The following CWH43 variants were observed in gnomAD, a reference collection of about 807,000 sequenced individuals.
CWH43 encodes the protein PGAP2-interacting protein.
CWH43 carries 91 observed loss-of-function variants against 85.7 expected under a neutral mutation model. The ratio of observed to expected loss-of-function variants is 1.06; its 90% CI spans 0.90 to 1.26. CWH43 has a LOEUF of 1.26. CWH43 is among the 50% of genes most tolerant of loss of function. The pLI, the probability that CWH43 is intolerant of heterozygous loss-of-function variation, is 0.00. For missense variants in CWH43, 869 were observed against 839.2 expected (o/e 1.04, Z -0.44); for synonymous variants, 323 against 293.6 (o/e 1.10, Z -1.02).
intron 13 of CWH43, among the ~76,000 whole-genome samples, chr4:49,039,369 GTA>G (rs1446577076): frequency 5.5e-5 from 2 of 36,040 alleles, no homozygotes; most frequent in Admixed American, 4.7e-4. Context: ...ATATACTGAT[GTA>G]TATATATACT....
At position 49,040,223 on chromosome 4, in the gene CWH43, A is replaced by T. The variant is rs367732015; in HGVS notation, c.1803+2043A>T. Among the ~76,000 whole-genome samples, 11 of 152,198 alleles carry T rather than the reference A, an allele frequency of 7.2e-5. 1 individual carries two copies. In the South Asian group the frequency reaches 1.7e-3, roughly 23 times the overall value. On this transcript the variant is annotated intron_variant, in intron 13 of 15. Coordinates refer to ENST00000226432, the MANE Select transcript of CWH43 (RefSeq NM_025087.3). ...ATAAACATACGTGTGCATGTGTCTT[A>T]ATAGCAGCATGATTTATAATCCTTT...
chr4:49,025,691 C>T (rs1266406550), intron 9 of CWH43, among the ~76,000 whole-genome samples: 1 of 152,182 alleles, frequency 6.6e-6, no homozygotes, highest in Non-Finnish European at 1.5e-5. Flanking sequence ...GCAAAAAATC[C>T]TATGATGTGA....
chr4:49,011,858 G>C (rs1335788385), intron 8 of CWH43, among the ~76,000 whole-genome samples: 1 of 152,134 alleles, frequency 6.6e-6, no homozygotes, highest in Non-Finnish European at 1.5e-5. Flanking sequence ...AGTCTGATGG[G>C]CTTCCCTTTT....
At chr4:49,034,276 G>C (rs1316945961) in intron 12 of CWH43, among the ~76,000 whole-genome samples, 5 of 151,938 alleles carry the variant, frequency 3.3e-5, no homozygotes, top group Admixed American at 2.0e-4. Context: ...CTTAACATTG[G>C]GTTTATCTTT....
chr4:49,003,810 T>C lies in CWH43; in HGVS notation c.878T>C (p.Phe293Ser). 6.2e-7 allele frequency: 1 copy of C among 1,614,034 alleles called. No individual in the cohort carries two copies. The highest frequency in any genetic ancestry group is 1.1e-5 in the South Asian group (1 of 91,082). The change falls in exon 7 of 16, where the codon TTT (phenylalanine) becomes TCT (serine). Residue 293 changes from phenylalanine to serine, a missense_variant. Physicochemically the swap from Phe to Ser is radical, Grantham distance 155 (BLOSUM62 -2). Around this residue, in one of 3 missense-constraint regions of CWH43, gnomAD observed 577 missense variants for 513.1 expected, o/e 1.12. Transcript: ENST00000226432. ...AAVSGCVFAI[F>S]TASMWPQTLG... is the part of the protein sequence containing the mutation. ...GTGTCTGGCTGTGTCTTCGCCATCT[T>C]TACTGCATCCATGTGGCCCCAAACA...
intron 15 of CWH43, among the ~76,000 whole-genome samples, chr4:49,054,386 A>C (rs1311313641): frequency 6.6e-6 from 1 of 152,176 alleles, no homozygotes; most frequent in Admixed American, 6.5e-5. Flanking sequence ...TTATGCCAGT[A>C]CCATACTGTT....
chr4:49,060,694 T>C (rs1192173481), intron 15 of CWH43, among the ~76,000 whole-genome samples: 1 of 152,224 alleles, frequency 6.6e-6, no homozygotes, highest in East Asian at 1.9e-4. Context: ...CTCTAATACA[T>C]TCAAATGCTA....
At chr4:49,010,699 G>A (rs1476305186) in intron 8 of CWH43, among the ~76,000 whole-genome samples, 1 of 152,164 alleles carries the variant, frequency 6.6e-6, no homozygotes, top group East Asian at 1.9e-4. Context: ...TGGTTTCAAA[G>A]AACATCTTTA....
At chr4:49,011,334 A>T (rs2109773902) in intron 8 of CWH43, among the ~76,000 whole-genome samples, 1 of 151,976 alleles carries the variant, frequency 6.6e-6, no homozygotes, top group South Asian at 2.1e-4. Context: ...TGCTTGGTAG[A>T]TCTTCCTCCA....
intron 9 of CWH43, among the ~76,000 whole-genome samples, chr4:49,026,064 G>A (rs1368381917): frequency 6.6e-6 from 1 of 152,118 alleles, no homozygotes; most frequent in Non-Finnish European, 1.5e-5. Flanking sequence ...TAGGCCAATG[G>A]AGTTATGTTT....
At chr4:49,027,504 G>A (rs1357571015) in intron 9 of CWH43, among the ~76,000 whole-genome samples, 1 of 152,046 alleles carries the variant, frequency 6.6e-6, no homozygotes, top group East Asian at 1.9e-4. Flanking sequence ...TCTTTACCAG[G>A]CAGTCATTAG....
At chr4:49,009,704 G>A (rs545179740) in intron 8 of CWH43, among the ~76,000 whole-genome samples, 17 of 151,992 alleles carry the variant, frequency 1.1e-4, no homozygotes, top group South Asian at 2.1e-4. Context: ...GAATTTTGTC[G>A]AAGGCCTTTT....
At chr4:49,050,957 A>T (rs1784775673) in intron 15 of CWH43, 108 bp downstream of exon 15, 1 of 811,706 alleles carries the variant, frequency 1.2e-6, no homozygotes, top group East Asian at 2.7e-5. Flanking sequence ...CTAGAGGTTT[A>T]TTCCAGGTAA....
At chr4:49,017,354 G>T (rs376561790) in intron 9 of CWH43, 26 bp downstream of exon 9, 4 of 1,463,008 alleles carry the variant, frequency 2.7e-6, no homozygotes, top group South Asian at 1.2e-5. Context: ...CCTTGAAATA[G>T]AATTTTATAT....
intron 15 of CWH43, among the ~76,000 whole-genome samples, chr4:49,056,180 C>T (rs939648232): frequency 1.4e-5 from 2 of 146,134 alleles, no homozygotes; most frequent in African/African-American, 5.1e-5. Flanking sequence ...GTTTTTTGTT[C>T]TTGCGATAGT....
At chr4:49,015,430 C>T (rs963860795) in intron 8 of CWH43, among the ~76,000 whole-genome samples, 1 of 151,902 alleles carries the variant, frequency 6.6e-6, no homozygotes, top group Non-Finnish European at 1.5e-5. Context: ...AATTGTTTTT[C>T]CTTGGAAAAT....
Position 49,003,900 on chromosome 4 carries a change from A to G in CWH43, c.968A>G (p.Tyr323Cys), listed in dbSNP as rs1274380648. ...ACCATGACCATTGCCATGATATTTT[A>G]TCTTCTAGAAATATTTTTCTGTGCC... is the stretch of plus-strand genomic sequence containing the variant. Reference protein sequence around the residue: ...GKTMTIAMIFYLLEIFFCAWC... With the variant: ...GKTMTIAMIFCLLEIFFCAWC... Residue 323 changes from tyrosine (Y) to cysteine (C), a missense_variant, in exon 7 of 16, where the codon TAT (tyrosine) becomes TGT (cysteine). Tyr to Cys is a radical substitution (Grantham distance 194). This residue lies in a region of CWH43 where 577 missense variants were observed against 513.1 expected (regional missense o/e 1.12). Coordinates refer to ENST00000226432, the MANE Select transcript of CWH43 (RefSeq NM_025087.3). 1.2e-6 allele frequency: 2 copies of G among 1,613,782 alleles called. No homozygotes were observed. Among genetic ancestry groups the G allele is most frequent in the East Asian group, 4.5e-5 (2 of 44,890 alleles).
At chr4:49,054,240 C>T (rs182741088) in intron 15 of CWH43, among the ~76,000 whole-genome samples, 138 of 152,230 alleles carry the variant, frequency 9.1e-4, no homozygotes, top group Admixed American at 2.0e-3. Context: ...CCCAGTTCCC[C>T]CAACATTGCT....
chr4:49,039,930 G>A (rs1024222558), intron 13 of CWH43, among the ~76,000 whole-genome samples: 1 of 151,714 alleles, frequency 6.6e-6, no homozygotes, highest in Non-Finnish European at 1.5e-5. Flanking sequence ...AGAGTGTGAT[G>A]TTCCCCTTCC....
Sources: allele counts gnomAD v4.1 joint callset (sites outside exome capture counted in the v4.1 genomes callset), GRCh38; gene constraint gnomAD v4.1.1; regional missense constraint gnomAD v4.1.1; transcripts MANE v1.5; gene names NCBI Gene and HGNC (gene_info 2026-07-23, HGNC 2026-07-21).